Variants in TES observed in about 807,000 individuals in gnomAD.
TES encodes the protein testin LIM domain protein.
TES carries 41 observed loss-of-function variants against 48.2 expected under a neutral mutation model. That is an observed-to-expected ratio of 0.85 (90% CI 0.66 to 1.10). The LOEUF is 1.10. Ranked by LOEUF, TES falls within the 50% of genes least tolerant of loss-of-function variation. The pLI is 0.00. For synonymous variants in TES, 162 were observed against 174.9 expected (o/e 0.93, Z 0.58); for missense variants, 463 against 515.1 (o/e 0.90, Z 0.98).
At chr7:116,245,184 T>C (rs1799905393) in intron 2 of TES, among the ~76,000 whole-genome samples, 2 of 152,158 alleles carry the variant, frequency 1.3e-5, no homozygotes, top group African/African-American at 4.8e-5. Flanking sequence ...CGGGCTTGAA[T>C]CCCTCCCCAG....
At chr7:116,218,191 C>G (rs1799516077) in intron 1 of TES, among the ~76,000 whole-genome samples, 1 of 152,104 alleles carries the variant, frequency 6.6e-6, no homozygotes, top group African/African-American at 2.4e-5. Flanking sequence ...ATCCTCAAAC[C>G]ATGAGTGATT....
chr7:116,246,043 G>A (rs1799919522), intron 2 of TES, among the ~76,000 whole-genome samples: 1 of 149,270 alleles, frequency 6.7e-6, no homozygotes, highest in African/African-American at 2.5e-5. Context: ...GGGATTATGG[G>A]AACTACGATT....
At chr7:116,247,453 G>C (rs1241836043) in intron 2 of TES, among the ~76,000 whole-genome samples, 2 of 151,728 alleles carry the variant, frequency 1.3e-5, no homozygotes, top group East Asian at 3.9e-4. Context: ...ACAGCATAAG[G>C]AATATCAGAT....
chr7:116,248,871 G>T, intron 2 of TES, 149 bp from the exon 3 acceptor site: 17 of 687,878 alleles, frequency 2.5e-5, no homozygotes, highest in East Asian at 9.0e-5. Context: ...TTAAATATAT[G>T]GATACTTATT....
At chr7:116,234,950 T>C (rs1799748685) in intron 2 of TES, among the ~76,000 whole-genome samples, 1 of 149,628 alleles carries the variant, frequency 6.7e-6, no homozygotes. Flanking sequence ...AATTTATTTG[T>C]TACTTTTTTT....
At chr7:116,229,033 T>TATATATATATATATATATAA (rs1417517023) in intron 1 of TES, among the ~76,000 whole-genome samples, 99 of 115,320 alleles carry the variant, frequency 8.6e-4, no homozygotes, top group African/African-American at 1.5e-3. Context: ...TATATATATA[T>TATATATATATATATATATAA]AATCATTTCC....
intron 1 of TES, among the ~76,000 whole-genome samples, chr7:116,227,490 A>G (rs1407938911): frequency 6.6e-6 from 1 of 152,174 alleles, no homozygotes; most frequent in African/African-American, 2.4e-5. Context: ...TAAAACGTTC[A>G]AATTTTAAAT....
chr7:116,214,591 G>A (rs1354405371), intron 1 of TES, among the ~76,000 whole-genome samples: 1 of 152,268 alleles, frequency 6.6e-6, no homozygotes, highest in South Asian at 2.1e-4. Flanking sequence ...AACCCATGGT[G>A]TGATTCATTA....
chr7:116,239,249 G>A (rs1210705906), intron 2 of TES: 1 of 152,174 alleles, frequency 6.6e-6, no homozygotes, highest in Non-Finnish European at 1.5e-5. Context: ...TTCCTCTTCT[G>A]CTGCGAGCCA....
chr7:116,221,023 G>A (rs1002209498), intron 1 of TES, among the ~76,000 whole-genome samples: 8 of 152,090 alleles, frequency 5.3e-5, no homozygotes, highest in African/African-American at 1.9e-4. Flanking sequence ...AGAATTTTAT[G>A]ATGGCATGCT....
At chr7:116,214,518 C>G (rs192516722) in intron 1 of TES, among the ~76,000 whole-genome samples, 11 of 152,108 alleles carry the variant, frequency 7.2e-5, no homozygotes, top group African/African-American at 2.7e-4. Flanking sequence ...AGGTGTTCTG[C>G]CTCTCTGAAC....
chr7:116,217,394 C>T (rs533736034), intron 1 of TES, among the ~76,000 whole-genome samples: 1 of 152,212 alleles, frequency 6.6e-6, no homozygotes, highest in Non-Finnish European at 1.5e-5. Context: ...AAGTCTTCTC[C>T]CTGCCTACAA....
At chr7:116,254,265 CT>C (rs1280353810) in intron 6 of TES, among the ~76,000 whole-genome samples, 3 of 152,040 alleles carry the variant, frequency 2.0e-5, no homozygotes, top group African/African-American at 7.3e-5. Context: ...GTTCCCAACA[CT>C]AGGACAACAT....
Position 116,253,697 on chromosome 7 carries a change from G to A in TES, c.1077+1221G>A, listed in dbSNP as rs137855345. On this transcript the variant is annotated intron_variant, in intron 6 of 6. Coordinates refer to ENST00000358204, the MANE Select transcript of TES (RefSeq NM_015641.4). ...CTCCTAATAGTTTTTCTAATACACCGTACTTTTCCCTGTTTTACCTGACTG... is the reference window on the plus strand; with the variant it reads ...CTCCTAATAGTTTTTCTAATACACCATACTTTTCCCTGTTTTACCTGACTG... Among the ~76,000 whole-genome samples the A allele has an allele frequency of 2.1e-4, 32 of 152,070 alleles. 1 individual carries two copies. The East Asian group carries it at 4.2e-3, about 20-fold the overall frequency.
intron 1 of TES, among the ~76,000 whole-genome samples, chr7:116,233,641 T>C (rs1199691138): frequency 1.3e-5 from 2 of 152,364 alleles, no homozygotes; most frequent in African/African-American, 4.8e-5. Flanking sequence ...TAATGAGATA[T>C]AAGTAAAGTA....
At chr7:116,235,231 G>A (rs747595469) in intron 2 of TES, among the ~76,000 whole-genome samples, 3 of 152,142 alleles carry the variant, frequency 2.0e-5, no homozygotes, top group African/African-American at 7.2e-5. Flanking sequence ...GATTACAGGC[G>A]TGAGCCACCA....
At chr7:116,242,078 G>T (rs1799855629) in intron 2 of TES, among the ~76,000 whole-genome samples, 1 of 152,052 alleles carries the variant, frequency 6.6e-6, no homozygotes, top group South Asian at 2.1e-4. Flanking sequence ...GTAGAACATA[G>T]ATTGTAAAAA....
At position 116,233,231 on chromosome 7, in the gene TES, A is replaced by G. The variant is rs116914019; in HGVS notation, c.28-1303A>G. On this transcript the variant is annotated intron_variant, in intron 1 of 6. Transcript: ENST00000358204. ...CTGATTACTGGTGGTTTGCCACTGTACTGATGTAAGGCTGGCTACTCTTTT... is the reference window on the plus strand; with the variant it reads ...CTGATTACTGGTGGTTTGCCACTGTGCTGATGTAAGGCTGGCTACTCTTTT... Among the ~76,000 whole-genome samples, 62 of 152,298 alleles carry G rather than the reference A, an allele frequency of 4.1e-4. No individual in the cohort carries two copies. The East Asian group carries it at 0.011, about 28-fold the overall frequency.
intron 2 of TES, among the ~76,000 whole-genome samples, chr7:116,242,947 C>G (rs977346929): frequency 6.6e-6 from 1 of 152,088 alleles, no homozygotes; most frequent in Non-Finnish European, 1.5e-5. Flanking sequence ...AAAACTAATG[C>G]AGTAAGTATG....
Sources: allele counts gnomAD v4.1 joint callset (sites outside exome capture counted in the v4.1 genomes callset), GRCh38; gene constraint gnomAD v4.1.1; transcripts MANE v1.5; gene names NCBI Gene and HGNC (gene_info 2026-07-23, HGNC 2026-07-21).